The following NHSL1 variants were observed in gnomAD, a reference collection of about 807,000 sequenced individuals.
NHSL1 encodes the protein NHS like 1.
In NHSL1, 48 loss-of-function variants were observed where a neutral mutation model predicts 95.0. The observed-to-expected ratio is 0.51, with a 90% CI of 0.40 to 0.64. NHSL1 has a LOEUF of 0.64. Among genes scored for constraint, NHSL1 ranks in the 30% least tolerant of loss-of-function variants. NHSL1 has a pLI of 0.00. For synonymous variants in NHSL1, 783 were observed against 833.9 expected (o/e 0.94, Z 1.05); for missense variants, 1,971 against 2,077.7 (o/e 0.95, Z 1.00).
At chr6:138,507,915 A>G (rs1781040679) in intron 1 of NHSL1, among the ~76,000 whole-genome samples, 1 of 152,210 alleles carries the variant, frequency 6.6e-6, no homozygotes, top group Non-Finnish European at 1.5e-5. Flanking sequence ...TAATGTATCA[A>G]TTCTTTAGAA....
At position 138,519,291 on chromosome 6, in the gene NHSL1, GCT is replaced by G. The variant is rs1174703430; in HGVS notation, c.17-22922_17-22921del. On this transcript the variant is annotated intron_variant, in intron 1 of 4. Coordinates refer to the NHSL1 transcript ENST00000342260. Reference sequence around the variant, plus strand: ...AAAGTGAATCTTCAAAAAAAAATCTGCTCTGTCACCCAATTTTCCTTTTGATA... The same window carrying G: ...AAAGTGAATCTTCAAAAAAAAATCTGCTGTCACCCAATTTTCCTTTTGATA... Among the ~76,000 whole-genome samples, 19 of 151,798 alleles carry G rather than the reference GCT, an allele frequency of 1.3e-4. No homozygotes were observed. The East Asian group carries it at 2.5e-3, about 20-fold the overall frequency.
chr6:138,523,998 G>A (rs1781798887), intron 1 of NHSL1, among the ~76,000 whole-genome samples: 1 of 152,230 alleles, frequency 6.6e-6, no homozygotes, highest in South Asian at 2.1e-4. Context: ...AGATGTGTGA[G>A]CTGTGATTAT....
intron 3 of NHSL1, among the ~76,000 whole-genome samples, chr6:138,457,549 T>A (rs376034877): frequency 6.6e-6 from 1 of 152,352 alleles, no homozygotes; most frequent in East Asian, 1.9e-4. Flanking sequence ...GGATTTTTAA[T>A]ATTTGTTGAA....
intron 1 of NHSL1, among the ~76,000 whole-genome samples, chr6:138,559,885 G>A (rs898616856): frequency 6.6e-6 from 1 of 152,166 alleles, no homozygotes; most frequent in African/African-American, 2.4e-5. Flanking sequence ...CGCATGCCAT[G>A]CATATATGCC....
At chr6:138,449,078 C>G (rs999798640) in intron 3 of NHSL1, among the ~76,000 whole-genome samples, 3 of 144,144 alleles carry the variant, frequency 2.1e-5, no homozygotes, top group Non-Finnish European at 3.0e-5. Context: ...AAAAAAAATT[C>G]AAACACAAGA....
chr6:138,538,163 T>C (rs1782436276), intron 1 of NHSL1, among the ~76,000 whole-genome samples: 1 of 152,148 alleles, frequency 6.6e-6, no homozygotes, highest in Admixed American at 6.5e-5. Context: ...GCAAAACTTT[T>C]CCAGGAAAAA....
chr6:138,667,671 G>A (rs1344551300), intron 1 of NHSL1, among the ~76,000 whole-genome samples: 1 of 152,178 alleles, frequency 6.6e-6, no homozygotes, highest in Admixed American at 6.5e-5. Context: ...AAATCAAAAT[G>A]CAAAACAGCT....
chr6:138,511,414 G>A (rs1045843947), intron 1 of NHSL1, among the ~76,000 whole-genome samples: 9 of 151,750 alleles, frequency 5.9e-5, no homozygotes, highest in Non-Finnish European at 1.2e-4. Flanking sequence ...GTGTGTGTAT[G>A]TGTGTGTGTG....
chr6:138,534,154 T>C (rs1782244667), intron 1 of NHSL1, among the ~76,000 whole-genome samples: 1 of 152,232 alleles, frequency 6.6e-6, no homozygotes, highest in South Asian at 2.1e-4. Flanking sequence ...TATTTTAAGC[T>C]ATTCTCAAAC....
rs1035898490 is a variant in NHSL1, at chr6:138,424,523, G to A, written c.4379C>T (p.Ala1460Val). 1 of 1,551,664 alleles carries A rather than the reference G, an allele frequency of 6.4e-7. No homozygotes were observed. Among genetic ancestry groups the A allele is most frequent in the Non-Finnish European group, 8.7e-7 (1 of 1,146,972 alleles). The change falls in exon 8 of 8, where the codon GCC (alanine) becomes GTC (valine). Residue 1460 changes from alanine to valine, a missense_variant. Ala to Val is a moderately conservative substitution (Grantham distance 64, BLOSUM62 0). Around this residue, in one of 3 missense-constraint regions of NHSL1, gnomAD observed 223 missense variants for 217.0 expected, o/e 1.03. Transcript: ENST00000343505. This position sits in a 1 kb window ranked among gnomAD's most constrained non-coding sequence, Gnocchi z 5.9. ...GGAGCAGCTTGACGGGCTCTCGGGG[G>A]CATCTGGGGAAGGCTCTGACCTCGA... is the stretch of plus-strand genomic sequence containing the variant. ...QRSRSEPSPD[A>V]PESPSSCSPS...
At chr6:138,629,541 C>A (rs1268222670) in intron 1 of NHSL1, among the ~76,000 whole-genome samples, 3 of 152,122 alleles carry the variant, frequency 2.0e-5, no homozygotes, top group Admixed American at 1.3e-4. Context: ...CACCACCACA[C>A]CCAGTTAATT....
intron 1 of NHSL1, among the ~76,000 whole-genome samples, chr6:138,619,122 G>A (rs1292211444): frequency 6.6e-6 from 1 of 152,184 alleles, no homozygotes; most frequent in African/African-American, 2.4e-5. Context: ...TGGATCACCT[G>A]AGGTCAGGAA....
intron 1 of NHSL1, among the ~76,000 whole-genome samples, chr6:138,604,203 C>T (rs1467568811): frequency 6.6e-6 from 1 of 152,046 alleles, no homozygotes; most frequent in African/African-American, 2.4e-5. Context: ...CATCAGTCAA[C>T]TAAAAAGAAA....
chr6:138,506,302 G>T (rs1195788615), intron 1 of NHSL1, among the ~76,000 whole-genome samples: 3 of 152,158 alleles, frequency 2.0e-5, no homozygotes, highest in Admixed American at 6.5e-5. Flanking sequence ...CACATTGAGA[G>T]CAATTATGTA....
intron 1 of NHSL1, among the ~76,000 whole-genome samples, chr6:138,579,941 C>T (rs1784027706): frequency 6.6e-6 from 1 of 152,152 alleles, no homozygotes; most frequent in South Asian, 2.1e-4. Context: ...CTCCTACATG[C>T]TAAATATATG....
chr6:138,570,260 AG>A, intron 1 of NHSL1, among the ~76,000 whole-genome samples: 1 of 152,366 alleles, frequency 6.6e-6, no homozygotes, highest in Middle Eastern at 3.4e-3. Flanking sequence ...CCTTTGGCAA[AG>A]CCCAAAGGAA....
intron 1 of NHSL1, among the ~76,000 whole-genome samples, chr6:138,529,245 G>A (rs555694444): frequency 6.6e-6 from 1 of 152,318 alleles, no homozygotes; most frequent in African/African-American, 2.4e-5. Flanking sequence ...GCAGGTGTCA[G>A]AAAGGTCATT....
At chr6:138,537,679 G>A (rs745850728) in intron 1 of NHSL1, among the ~76,000 whole-genome samples, 3 of 152,130 alleles carry the variant, frequency 2.0e-5, no homozygotes, top group South Asian at 2.1e-4. Flanking sequence ...TATGATTAAC[G>A]GATAGAGTTG....
intron 1 of NHSL1, among the ~76,000 whole-genome samples, chr6:138,539,504 AAGG>A (rs755679902): frequency 6.6e-6 from 1 of 152,152 alleles, no homozygotes; most frequent in Non-Finnish European, 1.5e-5. Flanking sequence ...TTGTAACTAG[AAGG>A]AGTTCAATAT....
Sources: allele counts gnomAD v4.1 joint callset (sites outside exome capture counted in the v4.1 genomes callset), GRCh38; gene constraint gnomAD v4.1.1; regional missense constraint gnomAD v4.1.1; non-coding constraint Gnocchi (gnomAD v3.1); transcripts MANE v1.5; gene names NCBI Gene and HGNC (gene_info 2026-07-23, HGNC 2026-07-21).